The following ZNF385D variants were observed in gnomAD, a reference collection of about 807,000 sequenced individuals.
ZNF385D encodes zinc finger protein 659.
ZNF385D carries 15 observed loss-of-function variants against 35.8 expected under a neutral mutation model. The ratio of observed to expected loss-of-function variants is 0.42; its 90% CI spans 0.28 to 0.64. The LOEUF is 0.64. ZNF385D is among the 30% of genes least tolerant of loss of function. The probability of loss-of-function intolerance (pLI) is 0.23; values close to 1 mark genes in which losing one functional copy is unlikely to be tolerated. For missense variants in ZNF385D, 474 were observed against 494.6 expected, an observed-to-expected ratio of 0.96 and a Z score of 0.39; for synonymous variants, 212 against 186.8, an observed-to-expected ratio of 1.13 and a Z score of -1.10.
intron 3 of ZNF385D, among the ~76,000 whole-genome samples, chr3:21,542,642 C>G (rs2062212669): frequency 6.6e-6 from 1 of 152,108 alleles, no homozygotes; most frequent in South Asian, 2.1e-4. Context: ...GCCACTGAAA[C>G]AGCCAGGTGA....
chr3:22,313,183 G>A (rs1703674822), intron 2 of ZNF385D, among the ~76,000 whole-genome samples: 1 of 150,840 alleles, frequency 6.6e-6, no homozygotes, highest in African/African-American at 2.4e-5. Context: ...CTCACTCAAA[G>A]GTGGGAAATG....
At chr3:21,903,766 C>G (rs1699534832) in intron 3 of ZNF385D, among the ~76,000 whole-genome samples, 1 of 152,068 alleles carries the variant, frequency 6.6e-6, no homozygotes, top group Non-Finnish European at 1.5e-5. Context: ...TGAGTAAACC[C>G]TAATAAAGAT....
chr3:21,423,838 GAACTC>G, intron 7 of ZNF385D, 120 bp downstream of exon 7: 7 of 807,092 alleles, frequency 8.7e-6, no homozygotes, highest in Non-Finnish European at 1.3e-5. Context: ...TGATAAATCT[GAACTC>G]AACTCAAAAA....
intron 3 of ZNF385D, among the ~76,000 whole-genome samples, chr3:21,989,095 T>G (rs1421734123): frequency 6.6e-6 from 1 of 152,098 alleles, no homozygotes; most frequent in Admixed American, 6.5e-5. Context: ...CAGATGGAAA[T>G]GCAGAAATCA....
rs184789938 is a variant in ZNF385D, at chr3:22,286,309, G to T, written c.106+86141C>A. On this transcript the variant is annotated intron_variant, in intron 2 of 5. Coordinates refer to the ZNF385D transcript ENST00000494108. Reference sequence around the variant, plus strand: ...CTAAACAAGTTTTTTCTTAGTCTATGTAACAGTCTATTAATTTTGCTTATC... The same window carrying T: ...CTAAACAAGTTTTTTCTTAGTCTATTTAACAGTCTATTAATTTTGCTTATC... Among the ~76,000 whole-genome samples, 961 of 152,092 alleles carry T rather than the reference G, an allele frequency of 6.3e-3. 4 individuals carry two copies. Among genetic ancestry groups the T allele is most frequent in the Non-Finnish European group, 8.4e-3 (574 of 67,970 alleles).
chr3:22,177,875 T>C (rs960141852), intron 2 of ZNF385D, among the ~76,000 whole-genome samples: 2 of 152,198 alleles, frequency 1.3e-5, no homozygotes, highest in Non-Finnish European at 2.9e-5. Context: ...AGAATGATGG[T>C]TTCCAGCTTC....
intron 1 of ZNF385D, among the ~76,000 whole-genome samples, chr3:21,742,570 G>A (rs2069569833): frequency 6.6e-6 from 1 of 152,182 alleles, no homozygotes. Flanking sequence ...TTCTACCAAT[G>A]AGCGGCAGAA....
At chr3:21,610,461 T>G (rs930250378) in intron 2 of ZNF385D, among the ~76,000 whole-genome samples, 2 of 152,124 alleles carry the variant, frequency 1.3e-5, no homozygotes, top group Admixed American at 6.5e-5. Flanking sequence ...ACTACAAACT[T>G]ACTGGCTTAA....
intron 4 of ZNF385D, among the ~76,000 whole-genome samples, chr3:21,469,233 G>A (rs1703730824): frequency 1.3e-5 from 2 of 152,138 alleles, no homozygotes; most frequent in African/African-American, 2.4e-5. Flanking sequence ...TGATTCGCAT[G>A]CTGTAAATGG....
intron 2 of ZNF385D, among the ~76,000 whole-genome samples, chr3:22,290,944 G>C (rs1702271096): frequency 6.6e-6 from 1 of 151,880 alleles, no homozygotes; most frequent in African/African-American, 2.4e-5. Flanking sequence ...GCTTTTCCTT[G>C]TTGTGCGGGC....
At chr3:22,117,860 A>G (rs1486275086) in intron 3 of ZNF385D, among the ~76,000 whole-genome samples, 1 of 152,072 alleles carries the variant, frequency 6.6e-6, no homozygotes, top group Non-Finnish European at 1.5e-5. Flanking sequence ...AATCGTAACA[A>G]TCATTTAAAG....
rs757723287 is a variant in ZNF385D at position 21,437,234 on chromosome 3, GA to G, written c.440-32del. On this transcript the variant is annotated intron_variant, in intron 4 of 7. Transcript: ENST00000281523. ...TTCAAAATAACACAGAAAAAAGGGG[GA>G]AAAACAATGGTATTATCTTTCCCTA... is the stretch of plus-strand genomic sequence containing the variant. 51 of 1,570,730 alleles carry G rather than the reference GA, an allele frequency of 3.2e-5. 1 individual carries two copies. In the East Asian group the frequency reaches 1.0e-3, roughly 32 times the overall value.
At chr3:21,581,321 T>C (rs1039491967) in intron 2 of ZNF385D, among the ~76,000 whole-genome samples, 6 of 152,282 alleles carry the variant, frequency 3.9e-5, no homozygotes, top group African/African-American at 7.2e-5. Flanking sequence ...CCAAATGCAA[T>C]TGTTTCCAGC....
At chr3:21,985,704 C>T (rs1468594946) in intron 3 of ZNF385D, among the ~76,000 whole-genome samples, 1 of 136,080 alleles carries the variant, frequency 7.3e-6, no homozygotes, top group Admixed American at 7.1e-5. Flanking sequence ...GGAGGATTCC[C>T]TCTTTTTCTA....
intron 2 of ZNF385D, among the ~76,000 whole-genome samples, chr3:22,363,308 C>T (rs1387926242): frequency 1.3e-5 from 2 of 152,112 alleles, no homozygotes; most frequent in Non-Finnish European, 2.9e-5. Context: ...TGTCAGAATA[C>T]GTGAGCTCAA....
chr3:22,068,138 T>C (rs1479900807), intron 3 of ZNF385D, among the ~76,000 whole-genome samples: 2 of 152,250 alleles, frequency 1.3e-5, no homozygotes, highest in Non-Finnish European at 2.9e-5. Context: ...GAGAAGGTCT[T>C]AGTCATTTAT....
intron 2 of ZNF385D, among the ~76,000 whole-genome samples, chr3:22,224,670 G>A (rs1467821168): frequency 6.6e-6 from 1 of 152,160 alleles, no homozygotes; most frequent in Non-Finnish European, 1.5e-5. Flanking sequence ...TTTGTCAGCA[G>A]GTTATTGCAA....
intron 3 of ZNF385D, among the ~76,000 whole-genome samples, chr3:21,922,459 G>C (rs1453827077): frequency 6.6e-6 from 1 of 152,138 alleles, no homozygotes; most frequent in African/African-American, 2.4e-5. Flanking sequence ...CAATGGAACA[G>C]AATAGACAAC....
At chr3:21,914,684 T>A (rs1307844790) in intron 3 of ZNF385D, among the ~76,000 whole-genome samples, 1 of 152,048 alleles carries the variant, frequency 6.6e-6, no homozygotes, top group Admixed American at 6.6e-5. Flanking sequence ...ACACTGTACA[T>A]TGCTGCTGAA....
Sources: allele counts gnomAD v4.1 joint callset (sites outside exome capture counted in the v4.1 genomes callset), GRCh38; gene constraint gnomAD v4.1.1; transcripts MANE v1.5; gene names NCBI Gene and HGNC (gene_info 2026-07-23, HGNC 2026-07-21).